The following CSF2RB variants were observed in gnomAD, a reference collection of about 807,000 sequenced individuals.
The protein encoded by CSF2RB is colony stimulating factor 2 receptor subunit beta, also known as cytokine receptor common subunit beta.
Under a neutral mutation model 67.2 loss-of-function variants are expected in CSF2RB, and 22 were observed. The ratio of observed to expected loss-of-function variants is 0.33; its 90% CI spans 0.23 to 0.47. The LOEUF (loss-of-function observed/expected upper bound fraction) is 0.47, where lower values mean the gene tolerates loss of function less well. Among genes scored for constraint, CSF2RB ranks in the 20% least tolerant of loss-of-function variants. The pLI is 1.00. For synonymous variants in CSF2RB, 507 were observed against 482.9 expected, an observed-to-expected ratio of 1.05 and a Z score of -0.65; for missense variants, 1,113 against 1,174.5, an observed-to-expected ratio of 0.95 and a Z score of 0.76.
intron 12 of CSF2RB, 50 bp from the exon 13 acceptor site, chr22:36,936,499 C>A (rs374985875): frequency 1.3e-6 from 2 of 1,545,536 alleles, no homozygotes; most frequent in Middle Eastern, 2.3e-4. Context: ...GCCTTGCCCC[C>A]ACCTCGGACC....
At chr22:36,918,683 C>T (rs1046729622) in intron 1 of CSF2RB, among the ~76,000 whole-genome samples, 4 of 152,210 alleles carry the variant, frequency 2.6e-5, no homozygotes, top group African/African-American at 9.6e-5. Flanking sequence ...TCCCCATTTG[C>T]TGTTGTATCT....
intron 10 of CSF2RB, among the ~76,000 whole-genome samples, chr22:36,934,750 G>A (rs1941231749): frequency 6.6e-6 from 1 of 152,220 alleles, no homozygotes; most frequent in South Asian, 2.1e-4. Flanking sequence ...TAAGGATACA[G>A]GAGATATTGG....
intron 8 of CSF2RB, among the ~76,000 whole-genome samples, chr22:36,931,614 A>T (rs1433423122): frequency 6.6e-6 from 1 of 152,234 alleles, no homozygotes; most frequent in African/African-American, 2.4e-5. Flanking sequence ...GGGTAGACTG[A>T]AGCTCAGAGA....
intron 8 of CSF2RB, among the ~76,000 whole-genome samples, chr22:36,931,526 C>A (rs1941146981): frequency 6.6e-6 from 1 of 152,204 alleles, no homozygotes; most frequent in South Asian, 2.1e-4. Flanking sequence ...ACATAAGAGA[C>A]CTCAGCAAAT....
At chr22:36,923,575 G>A (rs1324210532) in intron 3 of CSF2RB, among the ~76,000 whole-genome samples, 1 of 152,336 alleles carries the variant, frequency 6.6e-6, no homozygotes, top group Middle Eastern at 3.4e-3. Context: ...GGGTTTCTGC[G>A]GAGTGCCTCC....
Position 36,938,500 on chromosome 22 carries a change from T to G in CSF2RB, c.2692T>G (p.Ter898GlyextTer5). ...GGTCAACAAGCCTGGGGAGGTGTGT[T>G]GAGACCCCCAGGCCTAGACAGGCAA... ...WEVNKPGEVC* is the reference protein window; with the variant it reads ...WEVNKPGEVCG The change falls in exon 14 of 14, where the codon TGA (stop) becomes GGA (glycine). Residue 898 changes from the stop codon to glycine, a stop_lost. Transcript: ENST00000403662. The G allele has an allele frequency of 6.2e-7, 1 of 1,611,408 alleles. No homozygotes were observed. The highest frequency in any genetic ancestry group is 8.5e-7 in the Non-Finnish European group (1 of 1,178,358).
rs573228861 is a variant in CSF2RB at position 36,935,635 on chromosome 22, G to A, written c.1412G>A (p.Arg471His). Reference sequence around the variant, plus strand: ...ACCTCCGTGGTGTCTTCCAGGCTGCGCAGAAAGTGGGAGGAGAAGATCCCC... The same window carrying A: ...ACCTCCGTGGTGTCTTCCAGGCTGCACAGAAAGTGGGAGGAGAAGATCCCC... ...RFCGIYGYRL[R>H]RKWEEKIPNP... The change falls in exon 12 of 14, where the codon CGC (arginine) becomes CAC (histidine). Residue 471 changes from arginine to histidine, a missense_variant. Physicochemically the swap from Arg to His is conservative, Grantham distance 29 (BLOSUM62 0). Transcript: ENST00000403662. The A allele has an allele frequency of 1.5e-5, 25 of 1,614,186 alleles. No individual in the cohort carries two copies. The highest frequency in any genetic ancestry group is 5.5e-5 in the South Asian group (5 of 91,084).
rs1941012796 is a variant in CSF2RB, at chr22:36,926,180, G to A, written c.391+3G>A. ...CACCGTCACTCTGACCCAGCATGGTGAGGGGCTGGGGGCCCTGCCCGGGGC... is the reference window on the plus strand; with the variant it reads ...CACCGTCACTCTGACCCAGCATGGTAAGGGGCTGGGGGCCCTGCCCGGGGC... On this transcript the variant is annotated splice_donor_region_variant and intron_variant, in intron 4 of 13. Coordinates refer to ENST00000403662, the MANE Select transcript of CSF2RB (RefSeq NM_000395.3). 1.2e-6 allele frequency: 2 copies of A among 1,613,804 alleles called. No individual in the cohort carries two copies. Among genetic ancestry groups the A allele is most frequent in the East Asian group, 2.2e-5 (1 of 44,892 alleles).
At chr22:36,928,297 G>A (rs1941068898) in intron 4 of CSF2RB, among the ~76,000 whole-genome samples, 1 of 152,116 alleles carries the variant, frequency 6.6e-6, no homozygotes, top group Admixed American at 6.5e-5. Context: ...TTTCTGATGG[G>A]GCTCCCAGTC....
chr22:36,935,883 C>T (rs990086418), intron 12 of CSF2RB, among the ~76,000 whole-genome samples, 196 bp downstream of exon 12: 4 of 152,158 alleles, frequency 2.6e-5, no homozygotes, highest in Admixed American at 2.6e-4. Context: ...CACACCTGGC[C>T]CTGCCTGCCA....
At chr22:36,932,644 C>G in intron 8 of CSF2RB, 121 bp from the exon 9 acceptor site, 1 of 1,187,426 alleles carries the variant, frequency 8.4e-7, no homozygotes, top group Non-Finnish European at 1.2e-6. Flanking sequence ...AGGATCCAAC[C>G]ATGGGCAGAA....
At chr22:36,914,791 T>C (rs181598495) in intron 1 of CSF2RB, among the ~76,000 whole-genome samples, 192 of 152,364 alleles carry the variant, frequency 1.3e-3, no homozygotes, top group Non-Finnish European at 1.6e-3. Context: ...GGTCACTCTT[T>C]TTTTCATCCA....
intron 8 of CSF2RB, among the ~76,000 whole-genome samples, chr22:36,932,263 C>T (rs1422316120): frequency 2.0e-5 from 3 of 152,046 alleles, no homozygotes; most frequent in South Asian, 2.1e-4. Context: ...GGTGAAACCC[C>T]GTCTCCACTG....
chr22:36,934,078 G>T, intron 10 of CSF2RB, 84 bp downstream of exon 10: 1 of 1,544,508 alleles, frequency 6.5e-7, no homozygotes, highest in Non-Finnish European at 8.8e-7. Context: ...TGCAGCAGCC[G>T]TAGCAGGCCT....
In CSF2RB at chr22:36,929,772, A is replaced by C; in HGVS notation, c.683A>C (p.Lys228Thr). The C allele has an allele frequency of 6.2e-7, 1 of 1,614,072 alleles. No individual in the cohort carries two copies. The highest frequency in any genetic ancestry group is 1.1e-5 in the South Asian group (1 of 91,076). ...TCTCGGCTCTCAGGACGTCCCAGCA[A>C]GTGGAGCCCAGAGGTTTGCTGGGAC... ...PGSRLSGRPSKWSPEVCWDSQ... is the reference protein window; with the variant it reads ...PGSRLSGRPSTWSPEVCWDSQ... Residue 228 changes from lysine to threonine, a missense_variant, in exon 6 of 14, where the codon AAG (lysine) becomes ACG (threonine). Coordinates refer to ENST00000403662, the MANE Select transcript of CSF2RB (RefSeq NM_000395.3).
intron 11 of CSF2RB, 67 bp downstream of exon 11, chr22:36,935,508 A>C: frequency 6.2e-7 from 1 of 1,604,290 alleles, no homozygotes; most frequent in Admixed American, 1.7e-5. Flanking sequence ...AATCCCACCC[A>C]GCTCCCTCCA....
At chr22:36,933,214 T>C (rs1483268026) in intron 9 of CSF2RB, among the ~76,000 whole-genome samples, 1 of 152,122 alleles carries the variant, frequency 6.6e-6, no homozygotes, top group Non-Finnish European at 1.5e-5. Context: ...TTTTCAAAAG[T>C]CATGAAAGTT....
At chr22:36,929,945 G>T in intron 6 of CSF2RB, 138 bp downstream of exon 6, 1 of 1,201,334 alleles carries the variant, frequency 8.3e-7, no homozygotes, top group East Asian at 2.6e-5. Flanking sequence ...AGCGTCCCTG[G>T]GCCGTCCCAC....
At chr22:36,926,315 G>T in intron 4 of CSF2RB, 138 bp downstream of exon 4, 1 of 855,146 alleles carries the variant, frequency 1.2e-6, no homozygotes, top group South Asian at 1.6e-5. Context: ...TGAGGGTATG[G>T]TCTGGTTACA....
Sources: allele counts gnomAD v4.1 joint callset (sites outside exome capture counted in the v4.1 genomes callset), GRCh38; gene constraint gnomAD v4.1.1; transcripts MANE v1.5; gene names NCBI Gene and HGNC (gene_info 2026-07-23, HGNC 2026-07-21).